The following SIPA1L2 variants were observed in gnomAD, a reference collection of about 807,000 sequenced individuals.
SIPA1L2 encodes the protein signal-induced proliferation-associated 1-like protein 2.
A neutral mutation model predicts 163.9 loss-of-function variants in SIPA1L2; 56 were observed. The observed-to-expected ratio is 0.34, with a 90% CI of 0.28 to 0.43. SIPA1L2 has a LOEUF of 0.43. Ranked by LOEUF, SIPA1L2 falls within the 20% of genes least tolerant of loss-of-function variation. The probability of loss-of-function intolerance (pLI) is 1.00; values close to 1 mark genes in which losing one functional copy is unlikely to be tolerated. For missense variants in SIPA1L2, 1,974 were observed against 2,193.5 expected, an observed-to-expected ratio of 0.90 and a Z score of 2.00; for synonymous variants, 877 against 865.7, an observed-to-expected ratio of 1.01 and a Z score of -0.23.
chr1:232,506,065 AAGTG>A (rs1053847535), intron 3 of SIPA1L2, among the ~76,000 whole-genome samples: 18 of 152,116 alleles, frequency 1.2e-4, no homozygotes, highest in African/African-American at 4.3e-4. Flanking sequence ...AGTGACACTT[AAGTG>A]AGTGTGTTTG....
At chr1:232,485,139 A>G (rs1397152614) in intron 5 of SIPA1L2, among the ~76,000 whole-genome samples, 1 of 152,186 alleles carries the variant, frequency 6.6e-6, no homozygotes, top group Non-Finnish European at 1.5e-5. Flanking sequence ...AGAGTCAACT[A>G]CCCATATATT....
At chr1:232,607,388 T>C (rs956003437) in intron 1 of SIPA1L2, among the ~76,000 whole-genome samples, 3 of 152,218 alleles carry the variant, frequency 2.0e-5, no homozygotes, top group African/African-American at 7.2e-5. Context: ...AGTATCATAA[T>C]TGAATATCTT....
chr1:232,484,365 T>G (rs1254506381), intron 5 of SIPA1L2, among the ~76,000 whole-genome samples: 1 of 152,234 alleles, frequency 6.6e-6, no homozygotes, highest in Non-Finnish European at 1.5e-5. Context: ...TACAAACCTT[T>G]AAGTTTTTCT....
intron 1 of SIPA1L2, among the ~76,000 whole-genome samples, chr1:232,592,942 T>C (rs991040516): frequency 6.6e-6 from 1 of 152,216 alleles, no homozygotes; most frequent in African/African-American, 2.4e-5. Context: ...CAGTTCCCTG[T>C]AATTCCTGAC....
At chr1:232,408,789 G>T (rs903292869) in intron 19 of SIPA1L2, among the ~76,000 whole-genome samples, 6 of 151,934 alleles carry the variant, frequency 3.9e-5, no homozygotes, top group Non-Finnish European at 8.8e-5. Flanking sequence ...ACATTCTTTA[G>T]AAATCTTTTC....
intron 3 of SIPA1L2, among the ~76,000 whole-genome samples, chr1:232,505,175 CT>C (rs1666670458): frequency 2.6e-5 from 4 of 152,160 alleles, no homozygotes; most frequent in Admixed American, 2.0e-4. Flanking sequence ...GAAGAAAACA[CT>C]AGGAAAGTAT....
chr1:232,625,864 A>G (rs1023726994), intron 1 of SIPA1L2, among the ~76,000 whole-genome samples: 3 of 152,248 alleles, frequency 2.0e-5, no homozygotes, highest in African/African-American at 4.8e-5. Flanking sequence ...GACCACTTAC[A>G]GAGATTATAT....
intron 1 of SIPA1L2, among the ~76,000 whole-genome samples, chr1:232,598,549 C>T (rs1429495044): frequency 1.3e-5 from 2 of 152,178 alleles, no homozygotes; most frequent in African/African-American, 4.8e-5. Context: ...AAAAATAGCA[C>T]AAGCTGGGTA....
chr1:232,612,908 T>A (rs1573175786), intron 1 of SIPA1L2, among the ~76,000 whole-genome samples: 1 of 152,286 alleles, frequency 6.6e-6, no homozygotes, highest in South Asian at 2.1e-4. Flanking sequence ...TATCTTGAAT[T>A]GTACTCCCAT....
chr1:232,487,784 G>C (rs975695573), intron 5 of SIPA1L2, among the ~76,000 whole-genome samples: 2 of 152,078 alleles, frequency 1.3e-5, no homozygotes, highest in African/African-American at 4.8e-5. Context: ...CAGAAGGAAT[G>C]ATCTAAACAC....
intron 2 of SIPA1L2, among the ~76,000 whole-genome samples, chr1:232,570,059 C>G (rs1229522760): frequency 6.6e-6 from 1 of 152,148 alleles, no homozygotes; most frequent in Admixed American, 6.5e-5. Flanking sequence ...AAGAAAACAC[C>G]TAAGGAGTTA....
chr1:232,399,063 A>G lies in SIPA1L2; in HGVS notation c.*64T>C, dbSNP rs1268614720. 5.6e-6 allele frequency: 9 copies of G among 1,601,932 alleles called. No homozygotes were observed. The highest frequency in any genetic ancestry group is 1.3e-5 in the African/African-American group (1 of 74,456). On this transcript the variant is annotated 3_prime_UTR_variant, in exon 23 of 23. Coordinates refer to ENST00000674635, the MANE Select transcript of SIPA1L2 (RefSeq NM_020808.5). ...GGTTGAAAGCACACAGAAAAACCAC[A>G]TGTTTGTGACTTCAAAGGGACAAGG... is the stretch of plus-strand genomic sequence containing the variant.
At chr1:232,455,709 T>A (rs1663867311) in intron 10 of SIPA1L2, among the ~76,000 whole-genome samples, 1 of 77,914 alleles carries the variant, frequency 1.3e-5, no homozygotes, top group Admixed American at 1.7e-4. Flanking sequence ...AGCGAGACTC[T>A]GTCTCAAAAA....
At chr1:232,615,326 G>A (rs554930003) in intron 1 of SIPA1L2, among the ~76,000 whole-genome samples, 1 of 152,348 alleles carries the variant, frequency 6.6e-6, no homozygotes, top group Admixed American at 6.5e-5. Context: ...CAAGGTGCTA[G>A]CCAGCAGTCT....
At chr1:232,566,773 T>C (rs1659430545) in intron 2 of SIPA1L2, among the ~76,000 whole-genome samples, 1 of 152,242 alleles carries the variant, frequency 6.6e-6, no homozygotes, top group African/African-American at 2.4e-5. Flanking sequence ...GTCTGATTAT[T>C]TCAAGCAGGG....
At position 232,514,803 on chromosome 1, in the gene SIPA1L2, T is replaced by A; in HGVS notation, c.537A>T (p.Ala179=). The change falls in exon 3 of 23, where the codon GCA becomes GCT. Residue 179 remains alanine (A), a synonymous_variant. Transcript: ENST00000674635. The part of the protein sequence containing the change: ...IDAEDVLDQN[A]VNPNTGAALH... ...GGGCAGCCCCGGTGTTGGGGTTGAC[T>A]GCATTTTGGTCTAAGACATCTTCGG... The A allele has an allele frequency of 6.2e-7, 1 of 1,614,220 alleles. No individual in the cohort carries two copies. Among genetic ancestry groups the A allele is most frequent in the Non-Finnish European group, 8.5e-7 (1 of 1,180,034 alleles).
At chr1:232,482,322 C>A (rs962193923) in intron 6 of SIPA1L2, among the ~76,000 whole-genome samples, 2 of 151,806 alleles carry the variant, frequency 1.3e-5, no homozygotes, top group Non-Finnish European at 2.9e-5. Context: ...TGAAGAGAGA[C>A]AACACACAAT....
intron 2 of SIPA1L2, among the ~76,000 whole-genome samples, chr1:232,571,874 A>G (rs1179167715): frequency 1.3e-5 from 2 of 152,154 alleles, no homozygotes; most frequent in East Asian, 1.9e-4. Context: ...TGCCAGTACC[A>G]TGCTTCCTGT....
Position 232,441,829 on chromosome 1 carries a change from G to T in SIPA1L2, c.3477C>A (p.Gly1159=). Residue 1159 remains glycine, a synonymous_variant, in exon 13 of 23, where the codon GGC becomes GGA. Coordinates refer to ENST00000674635, the MANE Select transcript of SIPA1L2 (RefSeq NM_020808.5). ...SPLLLEHQGS[G]PLECDGARER... ...CCCTGGCTCCGTCACATTCCAAAGG[G>T]CCTGAGCCCTGGTGTTCGAGCAGTA... 2 of 1,613,690 alleles carry T rather than the reference G, an allele frequency of 1.2e-6. No homozygotes were observed. Among genetic ancestry groups the T allele is most frequent in the Non-Finnish European group, 1.7e-6 (2 of 1,179,874 alleles).
Sources: gnomAD v4.1 joint callset for allele counts (sites outside exome capture counted in the v4.1 genomes callset) on GRCh38, gnomAD v4.1.1 for gene constraint, MANE v1.5 for transcripts, NCBI Gene and HGNC (gene_info 2026-07-23, HGNC 2026-07-21) for gene names.